Variants in ZC3H13 observed in about 807,000 individuals in gnomAD.
The protein encoded by ZC3H13 is zinc finger CCCH-type containing 13.
Under a neutral mutation model 204.1 loss-of-function variants are expected in ZC3H13, and 64 were observed. The observed-to-expected ratio is 0.31, with a 90% CI of 0.26 to 0.39. The LOEUF (loss-of-function observed/expected upper bound fraction) is 0.39, where lower values mean the gene tolerates loss of function less well. ZC3H13 is among the 10% of genes least tolerant of loss of function. ZC3H13 has a pLI of 1.00. For synonymous variants in ZC3H13, 667 were observed against 693.7 expected (o/e 0.96, Z 0.60); for missense variants, 1,833 against 2,082.7 (o/e 0.88, Z 2.33).
rs1951321158 is a variant in ZC3H13 at position 45,957,214 on chromosome 13, C to A, written c.4923G>T (p.Lys1641Asn). The change falls in exon 19 of 19, where the codon AAG (lysine) becomes AAT (asparagine). Residue 1641 changes from lysine to asparagine, a missense_variant. Lys to Asn is a moderately conservative substitution (Grantham distance 94). Transcript: ENST00000679008. The part of the protein sequence containing the change: ...LRLSLRLFKR[K>N]TTCHAPGHEK... ...CATGTCCTGGAGCATGGCAAGTAGT[C>A]TTCCGCTTAAATAACCGAAGACTCA... 2 of 1,548,860 alleles carry A rather than the reference C, an allele frequency of 1.3e-6. No individual in the cohort carries two copies. Among genetic ancestry groups the A allele is most frequent in the South Asian group, 2.4e-5 (2 of 83,660 alleles).
At chr13:45,961,044 T>A (rs984277977) in intron 17 of ZC3H13, among the ~76,000 whole-genome samples, 1 of 152,110 alleles carries the variant, frequency 6.6e-6, no homozygotes, top group Non-Finnish European at 1.5e-5. Context: ...AGGAGCTTTT[T>A]AAAAAACATT....
In ZC3H13 at chr13:45,975,814, C is replaced by T. The variant is rs1384915246; in HGVS notation, c.1937G>A (p.Arg646Gln). 3 of 1,612,068 alleles carry T rather than the reference C, an allele frequency of 1.9e-6. No homozygotes were observed. The highest frequency in any genetic ancestry group is 1.3e-5 in the African/African-American group (1 of 74,776). Residue 646 changes from arginine (R) to glutamine (Q), a missense_variant, in exon 12 of 19, where the codon CGA becomes CAA. By Grantham distance (43) the Arg-to-Gln change is conservative. Coordinates refer to ENST00000679008, the MANE Select transcript of ZC3H13 (RefSeq NM_001330564.2). ...AAGCTCGTCATTCCTTCCCTGATGT[C>T]GAATTGGTGAGCTTGGTCTTTGATC... is the stretch of plus-strand genomic sequence containing the variant. ...ERDQRPSSPIRHQGRNDELER... is the reference protein window; with the variant it reads ...ERDQRPSSPIQHQGRNDELER...
chr13:45,963,301 A>G, intron 17 of ZC3H13: 2 of 986,718 alleles, frequency 2.0e-6, no homozygotes, highest in Non-Finnish European at 2.4e-6. Flanking sequence ...TCTAGGGGAA[A>G]GGGCTGCCAA....
At chr13:46,007,378 C>T (rs1447953213) in intron 7 of ZC3H13, among the ~76,000 whole-genome samples, 1 of 152,070 alleles carries the variant, frequency 6.6e-6, no homozygotes, top group South Asian at 2.1e-4. Context: ...TTTGTACATC[C>T]CGTTCTTTGG....
chr13:45,975,340 C>T lies in ZC3H13; in HGVS notation c.2411G>A (p.Arg804Gln), dbSNP rs768776672. Residue 804 changes from arginine (R) to glutamine (Q), a missense_variant, in exon 12 of 19, where the codon CGA becomes CAA. By Grantham distance (43) the Arg-to-Gln change is conservative (BLOSUM62 1). This residue lies in a region of ZC3H13 where 1,574 missense variants were observed against 1,757.2 expected (regional missense o/e 0.90). Transcript: ENST00000679008. ...ATTCCTATCTTCTCGGATCTCTTCT[C>T]GCTTTTCTCTGCGGTCATCTCGTCC... is the stretch of plus-strand genomic sequence containing the variant. ...DKGRDDRREK[R>Q]EEIREDRNPR... is the part of the protein sequence containing the mutation. The T allele has an allele frequency of 1.2e-5, 20 of 1,614,058 alleles. No homozygotes were observed. Among genetic ancestry groups the T allele is most frequent in the East Asian group, 4.5e-5 (2 of 44,874 alleles).
chr13:46,033,488 A>G (rs1269728704), intron 4 of ZC3H13, among the ~76,000 whole-genome samples: 1 of 123,564 alleles, frequency 8.1e-6, no homozygotes, highest in Non-Finnish European at 1.7e-5. Context: ...CAAAATTTTC[A>G]GCAGAAGAGA....
intron 4 of ZC3H13, among the ~76,000 whole-genome samples, chr13:46,041,250 A>G (rs1010337180): frequency 5.3e-5 from 8 of 152,280 alleles, no homozygotes; most frequent in African/African-American, 1.7e-4. Flanking sequence ...TGACAAAAAT[A>G]AGGAATAAAA....
At chr13:46,014,423 A>G (rs747247705) in intron 5 of ZC3H13, among the ~76,000 whole-genome samples, 4 of 152,146 alleles carry the variant, frequency 2.6e-5, no homozygotes, top group Non-Finnish European at 5.9e-5. Context: ...ACTTCCAGTA[A>G]TTTATTGTAT....
chr13:45,965,444 A>G lies in ZC3H13; in HGVS notation c.4322-12T>C, dbSNP rs373273405. 1.2e-6 allele frequency: 2 copies of G among 1,610,450 alleles called. No individual in the cohort carries two copies. The highest frequency in any genetic ancestry group is 1.6e-4 in the Middle Eastern group (1 of 6,070). On this transcript the variant is annotated splice_polypyrimidine_tract_variant and intron_variant, in intron 15 of 18. Coordinates refer to ENST00000679008, the MANE Select transcript of ZC3H13 (RefSeq NM_001330564.2). Reference sequence around the variant, plus strand: ...CTCGTCATCTCCTGCTAAATAGACAAATTAATTTCAGATCAAAGACAACAT... The same window carrying G: ...CTCGTCATCTCCTGCTAAATAGACAGATTAATTTCAGATCAAAGACAACAT...
At position 45,969,910 on chromosome 13, in the gene ZC3H13, G is replaced by C; in HGVS notation, c.2634C>G (p.Pro878=). The change falls in exon 14 of 19, where the codon CCC becomes CCG. Residue 878 remains proline (P), a synonymous_variant. Coordinates refer to ENST00000679008, the MANE Select transcript of ZC3H13 (RefSeq NM_001330564.2). The part of the protein sequence containing the change: ...VRPQESRSLS[P]SHLTEDRQGR... ...CCTGTCTGTCTTCTGTGAGGTGCGAGGGACTAAGAGAACGAGATTCTTGAG... is the reference window on the plus strand; with the variant it reads ...CCTGTCTGTCTTCTGTGAGGTGCGACGGACTAAGAGAACGAGATTCTTGAG... 1.2e-6 allele frequency: 2 copies of C among 1,613,610 alleles called. No individual in the cohort carries two copies. The highest frequency in any genetic ancestry group is 1.1e-5 in the South Asian group (1 of 91,072).
At chr13:46,034,454 AAAGG>A (rs1362377964) in intron 4 of ZC3H13, among the ~76,000 whole-genome samples, 1 of 152,210 alleles carries the variant, frequency 6.6e-6, no homozygotes, top group South Asian at 2.1e-4. Context: ...ATCAGCAATA[AAAGG>A]AATGAACTAC....
intron 12 of ZC3H13, among the ~76,000 whole-genome samples, chr13:45,974,439 T>C (rs1250815974): frequency 6.6e-6 from 1 of 152,188 alleles, no homozygotes; most frequent in Non-Finnish European, 1.5e-5. Context: ...AATCTGGATA[T>C]AGCCACATCA....
intron 10 of ZC3H13, among the ~76,000 whole-genome samples, chr13:45,983,601 G>A (rs1953901553): frequency 6.7e-6 from 1 of 148,248 alleles, no homozygotes; most frequent in Admixed American, 6.7e-5. Flanking sequence ...TAATTTTTTT[G>A]TATTTTTAGT....
chr13:46,038,011 C>A (rs2043316836), intron 4 of ZC3H13, among the ~76,000 whole-genome samples: 1 of 152,158 alleles, frequency 6.6e-6, no homozygotes, highest in African/African-American at 2.4e-5. Flanking sequence ...CATATCAGAA[C>A]CACTTTCCAT....
chr13:45,987,406 T>C (rs2039622746), intron 9 of ZC3H13, among the ~76,000 whole-genome samples: 1 of 152,222 alleles, frequency 6.6e-6, no homozygotes, highest in Non-Finnish European at 1.5e-5. Flanking sequence ...AAATATGTAC[T>C]ATATTCCTGG....
intron 7 of ZC3H13, among the ~76,000 whole-genome samples, chr13:46,009,838 G>A (rs1470420919): frequency 1.3e-5 from 2 of 151,958 alleles, no homozygotes; most frequent in Non-Finnish European, 2.9e-5. Context: ...ATTTGTAGCA[G>A]TTTAAAAATC....
chr13:45,986,215 G>T (rs1593545071), intron 9 of ZC3H13, among the ~76,000 whole-genome samples: 2 of 152,332 alleles, frequency 1.3e-5, no homozygotes, highest in East Asian at 3.9e-4. Context: ...AGCTGGTTGA[G>T]TGATACTATT....
At chr13:45,992,639 T>A (rs2040045092) in intron 8 of ZC3H13, among the ~76,000 whole-genome samples, 1 of 152,178 alleles carries the variant, frequency 6.6e-6, no homozygotes, top group Admixed American at 6.5e-5. Flanking sequence ...GTTAACTGGG[T>A]CATGGAATGG....
Position 45,959,629 on chromosome 13 carries a change from C to G in ZC3H13, c.4693G>C (p.Glu1565Gln). 1 of 1,528,710 alleles carries G rather than the reference C, an allele frequency of 6.5e-7. No individual in the cohort carries two copies. 94.7% of individuals were successfully genotyped at this position (1,528,710 alleles called of 1,614,324 possible). A position where few individuals can be genotyped will look rare whatever the true frequency, so the allele number is the denominator to read the frequency against. Residue 1565 changes from glutamate to glutamine, a missense_variant, in exon 18 of 19, where the codon GAA becomes CAA. Physicochemically the swap from Glu to Gln is conservative, Grantham distance 29. Around this residue, in one of 5 missense-constraint regions of ZC3H13, gnomAD observed 211 missense variants for 228.4 expected, o/e 0.92. Transcript: ENST00000679008. ...EKPKDADNLF[E>Q]HELGALNMAA... ...ATATTGAGAGCCCCCAATTCATGTT[C>G]AAAGAGATTGTCTGCATCTTTCAAA...
Sources: allele counts gnomAD v4.1 joint callset (sites outside exome capture counted in the v4.1 genomes callset), GRCh38; gene constraint gnomAD v4.1.1; regional missense constraint gnomAD v4.1.1; transcripts MANE v1.5; gene names NCBI Gene and HGNC (gene_info 2026-07-23, HGNC 2026-07-21).